Variants in TTF1 observed in about 807,000 individuals in gnomAD.
The protein encoded by TTF1 is transcription termination factor, RNA polymerase I.
TTF1 carries 64 observed loss-of-function variants against 80.2 expected under a neutral mutation model. The ratio of observed to expected loss-of-function variants is 0.80; its 90% CI spans 0.65 to 0.98. The LOEUF (loss-of-function observed/expected upper bound fraction) is 0.98. Among genes scored for constraint, TTF1 ranks in the 50% least tolerant of loss-of-function variants. The pLI is 0.00. For synonymous variants in TTF1, 372 were observed against 382.7 expected, an observed-to-expected ratio of 0.97 and a Z score of 0.33; for missense variants, 1,023 against 1,086.2, an observed-to-expected ratio of 0.94 and a Z score of 0.82.
At chr9:132,388,763 C>T (rs538345366) in intron 7 of TTF1, among the ~76,000 whole-genome samples, 5 of 152,264 alleles carry the variant, frequency 3.3e-5, no homozygotes, top group South Asian at 4.1e-4. Context: ...CCTCTAATGC[C>T]GAAGCTAGTG....
intron 4 of TTF1, among the ~76,000 whole-genome samples, chr9:132,397,208 CT>C (rs1435445943): frequency 6.6e-6 from 1 of 152,206 alleles, no homozygotes; most frequent in Non-Finnish European, 1.5e-5. Flanking sequence ...GAAGAGAACA[CT>C]GCGGTGGAGA....
In TTF1 at chr9:132,402,093, G is replaced by A; in HGVS notation, c.729C>T (p.Gly243=). The change falls in exon 2 of 11, where the codon GGC becomes GGT. Residue 243 remains glycine (G), a synonymous_variant. Coordinates refer to ENST00000334270, the MANE Select transcript of TTF1 (RefSeq NM_007344.4). The part of the protein sequence containing the change: ...TLAMPEGSQA[G]REAGTDMQES... ...CCTGCATATCAGTCCCGGCCTCTCTGCCTGCTTGCGATCCTTCAGGCATGG... is the reference window on the plus strand; with the variant it reads ...CCTGCATATCAGTCCCGGCCTCTCTACCTGCTTGCGATCCTTCAGGCATGG... 2 of 1,613,864 alleles carry A rather than the reference G, an allele frequency of 1.2e-6. No individual in the cohort carries two copies. The highest frequency in any genetic ancestry group is 1.7e-6 in the Non-Finnish European group (2 of 1,179,970).
chr9:132,392,735 T>G (rs1309244703), intron 5 of TTF1, among the ~76,000 whole-genome samples: 2 of 152,154 alleles, frequency 1.3e-5, no homozygotes, highest in African/African-American at 4.8e-5. Flanking sequence ...TCTTACGGAG[T>G]TTAAGTTTCC....
intron 10 of TTF1, among the ~76,000 whole-genome samples, chr9:132,377,907 CAT>C (rs749829027): frequency 2.3e-4 from 22 of 95,780 alleles, no homozygotes; most frequent in Non-Finnish European, 5.8e-5. Context: ...GGTGTGAGTG[CAT>C]GTGTGTGTGA....
chr9:132,381,827 G>C (rs1849376212), intron 9 of TTF1, among the ~76,000 whole-genome samples: 2 of 152,170 alleles, frequency 1.3e-5, no homozygotes, highest in African/African-American at 4.8e-5. Context: ...ACCAGAACCA[G>C]TTTAAACCCT....
chr9:132,402,519 A>G lies in TTF1; in HGVS notation c.303T>C (p.Gly101=). Residue 101 remains glycine, a synonymous_variant, in exon 2 of 11, where the codon GGT becomes GGC. Transcript: ENST00000334270. ...YSALEVDEEA[G]VTVVLVDKEN... ...CTTTATCCACAAGGACAACTGTAAC[A>G]CCTGCTTCCTCGTCCACCTCCAAAG... is the stretch of plus-strand genomic sequence containing the variant. 1 of 1,614,174 alleles carries G rather than the reference A, an allele frequency of 6.2e-7. No homozygotes were observed. Among genetic ancestry groups the G allele is most frequent in the Non-Finnish European group, 8.5e-7 (1 of 1,180,040 alleles).
At chr9:132,377,809 G>T (rs1464330944) in intron 10 of TTF1, among the ~76,000 whole-genome samples, 1 of 137,548 alleles carries the variant, frequency 7.3e-6, no homozygotes, top group South Asian at 2.3e-4. Context: ...TGCATGTGGT[G>T]TGAGTGCATG....
chr9:132,383,139 T>C (rs1849400375), intron 9 of TTF1, among the ~76,000 whole-genome samples: 1 of 151,458 alleles, frequency 6.6e-6, no homozygotes. Flanking sequence ...TTCCAGCTAT[T>C]TAGGTGGCTG....
rs1849768153 is a variant in TTF1, at chr9:132,401,784, T to G, written c.1038A>C (p.Ala346=). ...TCTCGAGGCTCTCAGGCATGGCCAC[T>G]GCCTCAAATTCCTGGTGATTGGACT... The part of the protein sequence containing the change: ...KKKSNHQEFE[A]VAMPESLESA... Residue 346 remains alanine, a synonymous_variant, in exon 2 of 11, where the codon GCA becomes GCC. Coordinates refer to ENST00000334270, the MANE Select transcript of TTF1 (RefSeq NM_007344.4). 1 of 1,614,208 alleles carries G rather than the reference T, an allele frequency of 6.2e-7. No homozygotes were observed. Among genetic ancestry groups the G allele is most frequent in the East Asian group, 2.2e-5 (1 of 44,888 alleles).
At chr9:132,377,772 G>GGT (rs1358193826) in intron 10 of TTF1, among the ~76,000 whole-genome samples, 1 of 125,294 alleles carries the variant, frequency 8.0e-6, no homozygotes. Context: ...GAATGCATGT[G>GGT]GTGTGTGTGA....
chr9:132,376,662 C>CT (rs530150374), intron 10 of TTF1, among the ~76,000 whole-genome samples: 3,206 of 136,584 alleles, frequency 0.023, 83 homozygotes, highest in African/African-American at 0.061. Context: ...AATCTGTATC[C>CT]TTTTTTTTTT....
intron 7 of TTF1, among the ~76,000 whole-genome samples, 161 bp downstream of exon 7, chr9:132,390,436 C>T (rs973284743): frequency 6.6e-6 from 1 of 152,156 alleles, no homozygotes; most frequent in Non-Finnish European, 1.5e-5. Context: ...GTTACGTGCT[C>T]ATTTAAATCA....
chr9:132,405,328 C>T (rs548829965), intron 1 of TTF1, among the ~76,000 whole-genome samples: 53 of 152,362 alleles, frequency 3.5e-4, no homozygotes, highest in Admixed American at 1.4e-3. Flanking sequence ...CCTCAGCCTC[C>T]GGAGTAGTAG....
At chr9:132,391,984 G>C in intron 6 of TTF1, 92 bp downstream of exon 6, 2 of 1,569,050 alleles carry the variant, frequency 1.3e-6, no homozygotes, top group Admixed American at 3.6e-5. Flanking sequence ...ACAGGTCTAC[G>C]GTGATTTCCG....
Position 132,399,560 on chromosome 9 carries a change from TTAA to T in TTF1, c.1591+472_1591+474del, listed in dbSNP as rs536071279. On this transcript the variant is annotated intron_variant, in intron 3 of 10. Transcript: ENST00000334270. ...GAATAATAAAGGTTATTTATTATTC[TTAA>T]TAATAATAATTCTTAATAAGAGAGG... Among the ~76,000 whole-genome samples, 273 of 152,224 alleles carry T rather than the reference TTAA, an allele frequency of 1.8e-3. 1 individual carries two copies. The highest frequency in any genetic ancestry group is 6.2e-3 in the African/African-American group (256 of 41,546).
At chr9:132,392,569 C>A (rs969039060) in intron 5 of TTF1, among the ~76,000 whole-genome samples, 1 of 147,656 alleles carries the variant, frequency 6.8e-6, no homozygotes, top group African/African-American at 2.6e-5. Context: ...GCCTCCCTGA[C>A]CCCCTTAGCC....
chr9:132,405,488 G>A (rs1589830197), intron 1 of TTF1, among the ~76,000 whole-genome samples: 2 of 152,236 alleles, frequency 1.3e-5, no homozygotes, highest in Non-Finnish European at 1.5e-5. Context: ...GATTACAGGC[G>A]TAAGCCACAG....
intron 2 of TTF1, among the ~76,000 whole-genome samples, 154 bp downstream of exon 2, chr9:132,401,301 G>C (rs2131650479): frequency 6.6e-6 from 1 of 151,184 alleles, no homozygotes; most frequent in Non-Finnish European, 1.5e-5. Flanking sequence ...ACTCCAGCCT[G>C]GACAATAAGA....
intron 5 of TTF1, among the ~76,000 whole-genome samples, chr9:132,393,313 T>G (rs1849593423): frequency 6.8e-6 from 1 of 148,128 alleles, no homozygotes; most frequent in Admixed American, 6.7e-5. Context: ...TGCAGCACTG[T>G]AACATGTTCA....
Sources: gnomAD v4.1 joint callset for allele counts (sites outside exome capture counted in the v4.1 genomes callset) on GRCh38, gnomAD v4.1.1 for gene constraint, MANE v1.5 for transcripts, NCBI Gene and HGNC (gene_info 2026-07-23, HGNC 2026-07-21) for gene names.